Variants in TBC1D4 observed in about 807,000 individuals in gnomAD.
The protein encoded by TBC1D4 is TBC1 domain family member 4.
TBC1D4 carries 121 observed loss-of-function variants against 142.5 expected under a neutral mutation model. That is an observed-to-expected ratio of 0.85 (90% CI 0.73 to 0.99). TBC1D4 has a LOEUF of 0.99. TBC1D4 is among the 50% of genes least tolerant of loss of function. TBC1D4 has a pLI of 0.00. For missense variants in TBC1D4, 1,475 were observed against 1,606.6 expected, an observed-to-expected ratio of 0.92 and a Z score of 1.40; for synonymous variants, 630 against 628.2, an observed-to-expected ratio of 1.00 and a Z score of -0.04.
intron 13 of TBC1D4, among the ~76,000 whole-genome samples, chr13:75,311,346 T>C (rs1877733260): frequency 6.6e-6 from 1 of 152,244 alleles, no homozygotes; most frequent in Non-Finnish European, 1.5e-5. Context: ...CTAATTGTTC[T>C]GTGAAGCTTT....
At chr13:75,287,163 C>T (rs919571129) in intron 20 of TBC1D4, 138 bp from the exon 21 acceptor site, 19 of 751,044 alleles carry the variant, frequency 2.5e-5, no homozygotes, top group African/African-American at 5.3e-5. Flanking sequence ...CTACAGGAAA[C>T]GATGATTTAT....
intron 1 of TBC1D4, among the ~76,000 whole-genome samples, chr13:75,410,834 G>T (rs1885613592): frequency 6.7e-6 from 1 of 149,560 alleles, no homozygotes; most frequent in South Asian, 2.1e-4. Flanking sequence ...TACTCGGGAG[G>T]CTGAGGCAGG....
intron 1 of TBC1D4, among the ~76,000 whole-genome samples, chr13:75,429,205 A>C (rs896625236): frequency 1.3e-5 from 2 of 152,240 alleles, no homozygotes; most frequent in Admixed American, 6.5e-5. Flanking sequence ...TCTGGTAACA[A>C]AGGAAAGAAA....
intron 9 of TBC1D4, among the ~76,000 whole-genome samples, chr13:75,327,354 T>C (rs1323770606): frequency 6.6e-6 from 1 of 151,140 alleles, no homozygotes; most frequent in Non-Finnish European, 1.5e-5. Flanking sequence ...GTCAATGAGA[T>C]AAAGAAGATC....
intron 1 of TBC1D4, among the ~76,000 whole-genome samples, chr13:75,420,005 C>A (rs1886095208): frequency 1.3e-5 from 2 of 152,112 alleles, no homozygotes; most frequent in Admixed American, 6.6e-5. Context: ...TGTCACTGGG[C>A]AGAAATGAGA....
At chr13:75,417,296 G>A (rs1885961898) in intron 1 of TBC1D4, among the ~76,000 whole-genome samples, 2 of 152,114 alleles carry the variant, frequency 1.3e-5, no homozygotes, top group Non-Finnish European at 2.9e-5. Flanking sequence ...AGCCTCATGT[G>A]CAGGCTGAAG....
At chr13:75,400,794 C>T (rs1445751331) in intron 1 of TBC1D4, among the ~76,000 whole-genome samples, 1 of 152,102 alleles carries the variant, frequency 6.6e-6, no homozygotes, top group Non-Finnish European at 1.5e-5. Context: ...AGCACTAGCT[C>T]TCCAGCACAC....
intron 10 of TBC1D4, among the ~76,000 whole-genome samples, chr13:75,325,053 G>A (rs1257362181): frequency 1.3e-5 from 2 of 152,066 alleles, no homozygotes; most frequent in Non-Finnish European, 1.5e-5. Flanking sequence ...ATAAAATGTG[G>A]AAAACAGAGG....
intron 8 of TBC1D4, among the ~76,000 whole-genome samples, chr13:75,329,747 T>C (rs1879589910): frequency 6.6e-6 from 1 of 152,212 alleles, no homozygotes; most frequent in Admixed American, 6.5e-5. Flanking sequence ...ATGTCATTAT[T>C]CTATGCTTGT....
At chr13:75,376,415 TCACCCAGGCTGGAGTGC>T (rs1883514114) in intron 1 of TBC1D4, among the ~76,000 whole-genome samples, 1 of 146,600 alleles carries the variant, frequency 6.8e-6, no homozygotes, top group Non-Finnish European at 1.5e-5. Context: ...TCTCACTGTG[TCACCCAGGCTGGAGTGC>T]AATGGTGCGA....
At chr13:75,319,983 T>C in intron 12 of TBC1D4, 31 bp downstream of exon 12, 1 of 1,609,422 alleles carries the variant, frequency 6.2e-7, no homozygotes, top group Non-Finnish European at 8.5e-7. Flanking sequence ...GTGAATTTTT[T>C]TTAAATAAAA....
chr13:75,474,647 T>G (rs1888559945), intron 1 of TBC1D4, among the ~76,000 whole-genome samples: 1 of 8,080 alleles, frequency 1.2e-4, no homozygotes, highest in Non-Finnish European at 7.6e-4. Flanking sequence ...TAATTTAACC[T>G]TTTTTTTTTT....
At chr13:75,348,954 A>AGAGTGTGTGTGT (rs969343152) in intron 5 of TBC1D4, among the ~76,000 whole-genome samples, 2 of 139,166 alleles carry the variant, frequency 1.4e-5, no homozygotes, top group African/African-American at 5.5e-5. Context: ...AGAGAGAGAG[A>AGAGTGTGTGTGT]GTGTGTGTGT....
intron 5 of TBC1D4, among the ~76,000 whole-genome samples, chr13:75,346,151 A>T (rs1881126683): frequency 6.6e-6 from 1 of 152,226 alleles, no homozygotes; most frequent in African/African-American, 2.4e-5. Context: ...CTAAAAGTAG[A>T]TCAAAGTTTT....
intron 10 of TBC1D4, among the ~76,000 whole-genome samples, chr13:75,325,472 C>T (rs537010727): frequency 1.3e-5 from 2 of 150,912 alleles, no homozygotes; most frequent in Admixed American, 1.3e-4. Context: ...GTAACAAATT[C>T]ATAGGTAAAG....
At chr13:75,307,915 CT>C (rs1344633740) in intron 14 of TBC1D4, among the ~76,000 whole-genome samples, 1 of 152,136 alleles carries the variant, frequency 6.6e-6, no homozygotes, top group Non-Finnish European at 1.5e-5. Flanking sequence ...AACAAATATA[CT>C]CCTATATATA....
In TBC1D4 at chr13:75,453,273, A is replaced by T. The variant is rs75567941; in HGVS notation, c.498+27997T>A. Among the ~76,000 whole-genome samples, 26 of 152,174 alleles carry T rather than the reference A, an allele frequency of 1.7e-4. No homozygotes were observed. In the East Asian group the frequency reaches 5.0e-3, roughly 29 times the overall value. On this transcript the variant is annotated intron_variant, in intron 1 of 20. Transcript: ENST00000377636. ...ACATTAGAGTTTAACCAATATGTTT[A>T]GTTTAACAAGGTGTTTCTGACCATT...
rs779340077 is a variant in TBC1D4 at position 75,287,032 on chromosome 13, G to C, written c.3664-7C>G. 1.3e-6 allele frequency: 2 copies of C among 1,599,350 alleles called. No homozygotes were observed. The highest frequency in any genetic ancestry group is 3.2e-5 in the African/African-American group (2 of 63,380). On this transcript the variant is annotated splice_region_variant and splice_polypyrimidine_tract_variant and intron_variant, in intron 20 of 20. Transcript: ENST00000377636. ...GGATTTTAGTATGAGCTACCTGTTT[G>C]GGGGGGAAAAAATCCTCCAAATCAA...
intron 10 of TBC1D4, among the ~76,000 whole-genome samples, chr13:75,325,414 G>GT (rs540771610): frequency 0.01 from 1,463 of 145,248 alleles, 25 homozygotes; most frequent in Admixed American, 0.033. Context: ...ATCGAGTTGT[G>GT]TTTTTTTTTT....
Sources: gnomAD v4.1 joint callset for allele counts (sites outside exome capture counted in the v4.1 genomes callset) on GRCh38, gnomAD v4.1.1 for gene constraint, MANE v1.5 for transcripts, NCBI Gene and HGNC (gene_info 2026-07-23, HGNC 2026-07-21) for gene names.